The following STOX2 variants were observed in gnomAD, a reference collection of about 807,000 sequenced individuals.
STOX2 encodes the protein storkhead box 2.
Under a neutral mutation model 60.9 loss-of-function variants are expected in STOX2, and 28 were observed. The observed-to-expected ratio is 0.46, with a 90% confidence interval of 0.34 to 0.63. STOX2 has a LOEUF of 0.63. Among genes scored for constraint, STOX2 ranks in the 30% least tolerant of loss-of-function variants. The probability of loss-of-function intolerance (pLI) is 0.01; values close to 1 mark genes in which losing one functional copy is unlikely to be tolerated. For missense variants in STOX2, 1,024 were observed against 1,187.7 expected (o/e 0.86, Z 2.03); for synonymous variants, 472 against 463.9 (o/e 1.02, Z -0.22).
chr4:183,842,628 G>T (rs972326187), intron 1 of STOX2, among the ~76,000 whole-genome samples: 1 of 152,190 alleles, frequency 6.6e-6, no homozygotes, highest in African/African-American at 2.4e-5. Context: ...TGCTCTGTGA[G>T]AAAACTGAAG....
intron 1 of STOX2, among the ~76,000 whole-genome samples, chr4:183,931,286 T>C (rs962532067): frequency 6.6e-6 from 1 of 152,086 alleles, no homozygotes; most frequent in Non-Finnish European, 1.5e-5. Context: ...TAGCTGGGTA[T>C]GGTGGCATGC....
intron 1 of STOX2, among the ~76,000 whole-genome samples, chr4:183,817,417 A>G (rs1378234065): frequency 1.3e-5 from 2 of 152,186 alleles, no homozygotes; most frequent in Non-Finnish European, 2.9e-5. Flanking sequence ...TTGCCAGACT[A>G]TGAGCTGAAA....
intron 1 of STOX2, among the ~76,000 whole-genome samples, chr4:183,981,528 A>G (rs1334961981): frequency 6.6e-6 from 1 of 152,090 alleles, no homozygotes; most frequent in Non-Finnish European, 1.5e-5. Flanking sequence ...GAGAAGGGCA[A>G]CACTTCGTTT....
chr4:183,800,437 A>G (rs974842768), intron 1 of STOX2, among the ~76,000 whole-genome samples: 2 of 152,234 alleles, frequency 1.3e-5, no homozygotes, highest in East Asian at 1.9e-4. Flanking sequence ...ACCAAATGCT[A>G]TCTTTGATAC....
chr4:183,827,472 A>G (rs1019995418), intron 1 of STOX2, among the ~76,000 whole-genome samples: 1 of 152,062 alleles, frequency 6.6e-6, no homozygotes, highest in African/African-American at 2.4e-5. Flanking sequence ...AGGCTGGGTG[A>G]CAATGAGACC....
In STOX2 at chr4:183,867,279, A is replaced by T. The variant is rs139858891; in HGVS notation, c.364+69224A>T. On this transcript the variant is annotated intron_variant, in intron 1 of 2. Transcript: ENST00000513034. ...TTTACTAAAATTCAGAAGGTTTTGAAACTCCCAGATTACCTTTAAAACTTA... is the reference window on the plus strand; with the variant it reads ...TTTACTAAAATTCAGAAGGTTTTGATACTCCCAGATTACCTTTAAAACTTA... Among the ~76,000 whole-genome samples, 923 of 152,338 alleles carry T rather than the reference A, an allele frequency of 6.1e-3. 12 individuals carry two copies. The highest frequency in any genetic ancestry group is 0.019 in the African/African-American group (794 of 41,574).
At chr4:183,838,841 G>GT (rs1439681492) in intron 1 of STOX2, among the ~76,000 whole-genome samples, 1 of 152,176 alleles carries the variant, frequency 6.6e-6, no homozygotes, top group Non-Finnish European at 1.5e-5. Context: ...CCTCCACGTG[G>GT]TTACACACTC....
At chr4:183,972,073 A>G (rs1378227487) in intron 1 of STOX2, among the ~76,000 whole-genome samples, 2 of 152,220 alleles carry the variant, frequency 1.3e-5, no homozygotes, top group African/African-American at 4.8e-5. Flanking sequence ...AGTGAGTGGA[A>G]GAAGCCACCG....
At chr4:184,016,448 C>T (rs1734378541) in intron 3 of STOX2, 1 of 131,314 alleles carries the variant, frequency 7.6e-6, no homozygotes, top group Non-Finnish European at 1.7e-5. Context: ...TGAGTGGAAA[C>T]TTAACAAATG....
At chr4:183,918,936 G>A (rs1422211399) in intron 1 of STOX2, among the ~76,000 whole-genome samples, 2 of 152,266 alleles carry the variant, frequency 1.3e-5, no homozygotes, top group South Asian at 2.1e-4. Context: ...GCCCACCTTC[G>A]CTGCATCTAC....
intron 1 of STOX2, among the ~76,000 whole-genome samples, chr4:183,841,915 A>G (rs1409488552): frequency 2.0e-5 from 3 of 152,210 alleles, no homozygotes; most frequent in Admixed American, 2.0e-4. Flanking sequence ...TATGGGAAAA[A>G]AAAACTTGAC....
In STOX2 at chr4:183,806,316, A is replaced by G. The variant is rs1738887916; in HGVS notation, c.364+8261A>G. Among the ~76,000 whole-genome samples the G allele has an allele frequency of 6.6e-6, 1 of 152,124 alleles. No homozygotes were observed. Among genetic ancestry groups the G allele is most frequent in the South Asian group, 2.1e-4 (1 of 4,824 alleles). On this transcript the variant is annotated intron_variant, in intron 1 of 2. Transcript: ENST00000513034. This position sits in a 1 kb window ranked among gnomAD's most constrained non-coding sequence, Gnocchi z 4.1. The stretch of plus-strand genomic sequence containing the variant: ...CACTCCCCAATAACGTACGTTTGGG[A>G]AGCACATGATGTCCCTTAGTCTAGC...
At chr4:183,919,430 G>GC (rs1484539563) in intron 1 of STOX2, among the ~76,000 whole-genome samples, 11 of 152,234 alleles carry the variant, frequency 7.2e-5, no homozygotes, top group African/African-American at 9.6e-5. Flanking sequence ...GTGGAGTCAG[G>GC]CCCCGCCGGG....
chr4:184,011,071 T>C lies in STOX2; in HGVS notation c.2233T>C (p.Ser745Pro). Reference protein sequence around the residue: ...LPGRCEKLEPSLGTSAAQAMP... With the variant: ...LPGRCEKLEPPLGTSAAQAMP... ...AGGCCGATGTGAGAAACTGGAACCG[T>C]CCCTGGGGACCTCGGCGGCACAAGC... The change falls in exon 3 of 4, where the codon TCC (serine) becomes CCC (proline). Residue 745 changes from serine to proline, a missense_variant. This residue lies in a region of STOX2 where 922 missense variants were observed against 1,058.3 expected (regional missense o/e 0.87). Transcript: ENST00000308497. This position sits in a 1 kb window ranked among gnomAD's most constrained non-coding sequence, Gnocchi z 4.4. 6.2e-7 allele frequency: 1 copy of C among 1,607,540 alleles called. No individual in the cohort carries two copies. Among genetic ancestry groups the C allele is most frequent in the Non-Finnish European group, 8.5e-7 (1 of 1,176,936 alleles).
At chr4:183,873,638 T>C (rs1341557180) in intron 1 of STOX2, among the ~76,000 whole-genome samples, 1 of 152,162 alleles carries the variant, frequency 6.6e-6, no homozygotes, top group Non-Finnish European at 1.5e-5. Context: ...TAGTAATGCC[T>C]CCCTTTACTG....
intron 1 of STOX2, among the ~76,000 whole-genome samples, chr4:183,936,006 C>T (rs1257013792): frequency 1.3e-5 from 2 of 152,158 alleles, no homozygotes; most frequent in African/African-American, 2.4e-5. Context: ...TTGTATTTCA[C>T]GACATTCGTG....
intron 1 of STOX2, among the ~76,000 whole-genome samples, chr4:183,873,797 A>T (rs1228521992): frequency 1.3e-5 from 2 of 152,222 alleles, no homozygotes; most frequent in Non-Finnish European, 2.9e-5. Flanking sequence ...GGGAAGCTCC[A>T]CAGTAAGGCA....
chr4:183,931,398 T>C (rs1318335944), intron 1 of STOX2, among the ~76,000 whole-genome samples: 2 of 152,180 alleles, frequency 1.3e-5, no homozygotes, highest in African/African-American at 4.8e-5. Flanking sequence ...TACTCCAGCC[T>C]GGGCGACAGA....
chr4:183,799,985 TTAAA>T (rs1431266747), intron 1 of STOX2, among the ~76,000 whole-genome samples: 1 of 152,082 alleles, frequency 6.6e-6, no homozygotes, highest in Non-Finnish European at 1.5e-5. Context: ...GGACTCCCTC[TTAAA>T]GCCCAAGCAT....
Sources: allele counts gnomAD v4.1 joint callset (sites outside exome capture counted in the v4.1 genomes callset), GRCh38; gene constraint gnomAD v4.1.1; regional missense constraint gnomAD v4.1.1; non-coding constraint Gnocchi (gnomAD v3.1); transcripts MANE v1.5; gene names NCBI Gene and HGNC (gene_info 2026-07-23, HGNC 2026-07-21).